ACVR1C: variants seen among roughly 807,000 people sequenced by gnomAD.
ACVR1C encodes activin A receptor type 1C, also known as activin receptor type-1C.
ACVR1C carries 23 observed loss-of-function variants against 57.9 expected under a neutral mutation model. The ratio of observed to expected loss-of-function variants is 0.40; its 90% CI spans 0.29 to 0.56. The LOEUF is 0.56. Ranked by LOEUF, ACVR1C falls within the 20% of genes least tolerant of loss-of-function variation. The probability of loss-of-function intolerance (pLI) is 0.50; values close to 1 mark genes in which losing one functional copy is unlikely to be tolerated. For missense variants in ACVR1C, 480 were observed against 607.9 expected (o/e 0.79, Z 2.21); for synonymous variants, 214 against 215.3 (o/e 0.99, Z 0.05).
intron 1 of ACVR1C, among the ~76,000 whole-genome samples, chr2:157,604,149 G>A (rs1024355315): frequency 1.3e-5 from 2 of 151,982 alleles, no homozygotes; most frequent in African/African-American, 4.8e-5. Flanking sequence ...GGGGAGGAGA[G>A]CCAGGTTTAT....
chr2:157,592,210 T>C (rs547546598), intron 1 of ACVR1C, among the ~76,000 whole-genome samples: 8 of 152,150 alleles, frequency 5.3e-5, no homozygotes, highest in Admixed American at 4.6e-4. Context: ...CTTACAGCTT[T>C]ATCTAAATTC....
At chr2:157,586,153 C>T (rs1169064508) in intron 2 of ACVR1C, among the ~76,000 whole-genome samples, 1 of 151,996 alleles carries the variant, frequency 6.6e-6, no homozygotes, top group East Asian at 1.9e-4. Flanking sequence ...TGCAAAATAC[C>T]TAACTGAAAT....
chr2:157,575,277 C>T (rs572972059), intron 2 of ACVR1C, among the ~76,000 whole-genome samples: 7 of 152,240 alleles, frequency 4.6e-5, no homozygotes, highest in African/African-American at 1.7e-4. Flanking sequence ...GGATTACAGG[C>T]ATGTGCCACC....
chr2:157,538,021 G>A, intron 8 of ACVR1C, among the ~76,000 whole-genome samples: 1 of 152,144 alleles, frequency 6.6e-6, no homozygotes, highest in East Asian at 1.9e-4. Flanking sequence ...ATGTAAAGAT[G>A]GTTGGAATTG....
intron 1 of ACVR1C, among the ~76,000 whole-genome samples, chr2:157,588,548 C>A (rs898172532): frequency 1.3e-5 from 2 of 151,774 alleles, no homozygotes; most frequent in African/African-American, 4.8e-5. Flanking sequence ...AAATGGTGTA[C>A]ATTGTACTCA....
intron 1 of ACVR1C, among the ~76,000 whole-genome samples, chr2:157,590,134 A>G (rs1003931857): frequency 1.1e-4 from 16 of 151,986 alleles, no homozygotes; most frequent in Non-Finnish European, 2.9e-5. Flanking sequence ...TTTATGACTA[A>G]GACCCCAAAA....
chr2:157,539,526 AAAGTT>A (rs1272228611), intron 7 of ACVR1C, among the ~76,000 whole-genome samples: 1 of 152,372 alleles, frequency 6.6e-6, no homozygotes, highest in Non-Finnish European at 1.5e-5. Flanking sequence ...CAGTTGAAGA[AAAGTT>A]AAGGACAAAA....
chr2:157,530,271 C>G lies in ACVR1C; in HGVS notation c.*3647G>C, dbSNP rs1183501914. 3.3e-5 allele frequency: 5 copies of G among 151,994 alleles called. No homozygotes were observed. Among genetic ancestry groups the G allele is most frequent in the Admixed American group, 1.3e-4 (2 of 15,232 alleles). The allele number at this position is 151,994 out of a possible 1,614,324, so 9.4% of individuals were successfully genotyped here. ...TATATTTTAAATACATTTATTTAGC[C>G]AAATACATTCTCATACTTATTTCAA... On this transcript the variant is annotated 3_prime_UTR_variant, in exon 9 of 9. Coordinates refer to ENST00000243349, the MANE Select transcript of ACVR1C (RefSeq NM_145259.3).
chr2:157,628,810 G>A lies in ACVR1C; in HGVS notation c.-166C>T. 2.2e-6 allele frequency: 1 copy of A among 444,774 alleles called. No individual in the cohort carries two copies. The highest frequency in any genetic ancestry group is 3.8e-6 in the Non-Finnish European group (1 of 265,824). 27.6% of individuals were successfully genotyped at this position (444,774 alleles called of 1,614,324 possible). A position where few individuals can be genotyped will look rare whatever the true frequency, so the allele number is the denominator to read the frequency against. ...AGTCAGTGTGGGCGCCCCCCTCCCC[G>A]GCCGCCCCCATCCCACGCCCCCTGC... On this transcript the variant is annotated 5_prime_UTR_variant, in exon 1 of 9. Coordinates refer to ENST00000243349, the MANE Select transcript of ACVR1C (RefSeq NM_145259.3).
intron 4 of ACVR1C, 40 bp downstream of exon 4, chr2:157,550,122 A>G (rs1687880191): frequency 6.3e-7 from 1 of 1,584,758 alleles, no homozygotes; most frequent in African/African-American, 1.3e-5. Flanking sequence ...CGCTCTAGAC[A>G]GCATTTTTTA....
chr2:157,542,972 C>G, intron 5 of ACVR1C, 110 bp from the exon 6 acceptor site: 2 of 1,106,398 alleles, frequency 1.8e-6, no homozygotes, highest in Non-Finnish European at 2.6e-6. Flanking sequence ...GAGTTTTCTT[C>G]AAAGCTCTTG....
intron 2 of ACVR1C, among the ~76,000 whole-genome samples, chr2:157,572,390 A>G (rs1688535529): frequency 6.6e-6 from 1 of 151,918 alleles, no homozygotes; most frequent in Non-Finnish European, 1.5e-5. Flanking sequence ...AAAAAAAAAA[A>G]AAAGTCTATG....
chr2:157,592,480 T>C (rs781065113), intron 1 of ACVR1C, among the ~76,000 whole-genome samples: 1 of 152,004 alleles, frequency 6.6e-6, no homozygotes, highest in Non-Finnish European at 1.5e-5. Context: ...ACTGGCAAAA[T>C]TGAGGATTTG....
chr2:157,593,095 T>G (rs1362416370), intron 1 of ACVR1C, among the ~76,000 whole-genome samples: 1 of 152,068 alleles, frequency 6.6e-6, no homozygotes, highest in Non-Finnish European at 1.5e-5. Context: ...AGACATCTGT[T>G]ACCCACAAGA....
At chr2:157,624,946 G>A (rs1277591482) in intron 1 of ACVR1C, among the ~76,000 whole-genome samples, 1 of 152,110 alleles carries the variant, frequency 6.6e-6, no homozygotes, top group Non-Finnish European at 1.5e-5. Flanking sequence ...TACTAAAGAG[G>A]TATTCATTGT....
chr2:157,620,139 T>A (rs1682736542), intron 1 of ACVR1C, among the ~76,000 whole-genome samples: 1 of 151,972 alleles, frequency 6.6e-6, no homozygotes, highest in Admixed American at 6.6e-5. Context: ...AGCTAAAGAG[T>A]AGCTGTAGGA....
At chr2:157,554,651 T>C (rs981938871) in intron 3 of ACVR1C, among the ~76,000 whole-genome samples, 6 of 152,206 alleles carry the variant, frequency 3.9e-5, no homozygotes, top group African/African-American at 1.4e-4. Flanking sequence ...ATGCTTTTCT[T>C]TTCTGATGAA....
intron 1 of ACVR1C, among the ~76,000 whole-genome samples, chr2:157,588,297 A>G (rs1273995562): frequency 6.6e-6 from 1 of 151,616 alleles, no homozygotes; most frequent in African/African-American, 2.4e-5. Context: ...CACATGTCCA[A>G]AGTGGTGCCT....
intron 2 of ACVR1C, among the ~76,000 whole-genome samples, chr2:157,557,187 A>C (rs1387286683): frequency 6.6e-6 from 1 of 152,082 alleles, no homozygotes; most frequent in African/African-American, 2.4e-5. Context: ...GCAGGGAAGA[A>C]AGAAGGAGTG....
Sources: allele counts gnomAD v4.1 joint callset (sites outside exome capture counted in the v4.1 genomes callset), GRCh38; gene constraint gnomAD v4.1.1; transcripts MANE v1.5; gene names NCBI Gene and HGNC (gene_info 2026-07-23, HGNC 2026-07-21).